PREX2: variants seen among roughly 807,000 people sequenced by gnomAD.
PREX2 encodes phosphatidylinositol 3,4,5-trisphosphate-dependent Rac exchanger 2 protein.
A neutral mutation model predicts 203.2 loss-of-function variants in PREX2; 107 were observed. The observed-to-expected ratio is 0.53, with a 90% CI of 0.45 to 0.62. The LOEUF (loss-of-function observed/expected upper bound fraction) is 0.62, where lower values mean the gene tolerates loss of function less well. Ranked by LOEUF, PREX2 falls within the 20% of genes least tolerant of loss-of-function variation. The pLI, the probability that PREX2 is intolerant of heterozygous loss-of-function variation, is 0.00. For synonymous variants in PREX2, 672 were observed against 663.6 expected (o/e 1.01, Z -0.19); for missense variants, 1,777 against 1,955.9 (o/e 0.91, Z 1.72).
chr8:68,159,270 C>A (rs1811607080), intron 35 of PREX2, among the ~76,000 whole-genome samples: 1 of 152,136 alleles, frequency 6.6e-6, no homozygotes, highest in Non-Finnish European at 1.5e-5. Context: ...TTTTCTTTAT[C>A]CAGTTCTCCA....
At chr8:68,216,525 CA>C (rs141292512) in intron 37 of PREX2, among the ~76,000 whole-genome samples, 8,935 of 152,084 alleles carry the variant, frequency 0.059, 644 homozygotes, top group African/African-American at 0.17. Flanking sequence ...TGCAAAAGAA[CA>C]TTTTTTTAAT....
rs764621950 is a variant in PREX2, at chr8:68,022,116, A to G, written c.417A>G (p.Ile139Met). 1.1e-5 allele frequency: 17 copies of G among 1,545,162 alleles called. No individual in the cohort carries two copies. Among genetic ancestry groups the G allele is most frequent in the Admixed American group, 1.7e-5 (1 of 59,912 alleles). ...AQKLLLELNK[I>M]RTIRTFLLNC... Reference sequence around the variant, plus strand: ...AATTACTTCTTGAACTCAACAAAATAAGAACAATCCGGACATTTCTTTTGG... The same window carrying G: ...AATTACTTCTTGAACTCAACAAAATGAGAACAATCCGGACATTTCTTTTGG... Residue 139 changes from isoleucine to methionine, a missense_variant, in exon 4 of 40, where the codon ATA becomes ATG. By Grantham distance (10) the Ile-to-Met change is conservative. Transcript: ENST00000288368.
chr8:68,111,527 C>CT (rs1312368172), intron 25 of PREX2, among the ~76,000 whole-genome samples: 5 of 152,000 alleles, frequency 3.3e-5, no homozygotes, highest in African/African-American at 1.2e-4. Flanking sequence ...TTTTTATTAA[C>CT]TAAAACTACT....
At chr8:68,110,396 G>A (rs928479983) in intron 25 of PREX2, among the ~76,000 whole-genome samples, 1 of 152,150 alleles carries the variant, frequency 6.6e-6, no homozygotes, top group Non-Finnish European at 1.5e-5. Context: ...TGAATTACAA[G>A]TTTGTGGTCA....
At chr8:68,123,930 C>T (rs1480239760) in intron 30 of PREX2, among the ~76,000 whole-genome samples, 1 of 152,064 alleles carries the variant, frequency 6.6e-6, no homozygotes, top group Non-Finnish European at 1.5e-5. Flanking sequence ...CCAGCACTAT[C>T]CTGATACCAA....
chr8:67,984,681 C>A (rs186189988), intron 1 of PREX2, among the ~76,000 whole-genome samples: 2 of 152,278 alleles, frequency 1.3e-5, no homozygotes, highest in East Asian at 3.9e-4. Context: ...GCAGGTCTGC[C>A]GGTTCCAGCT....
chr8:68,052,056 T>A (rs577159760), intron 8 of PREX2, among the ~76,000 whole-genome samples: 2 of 152,270 alleles, frequency 1.3e-5, no homozygotes, highest in African/African-American at 4.8e-5. Flanking sequence ...CACATCTGTT[T>A]CTACTCAAAA....
intron 10 of PREX2, among the ~76,000 whole-genome samples, chr8:68,056,586 A>G (rs1326420031): frequency 7.0e-6 from 1 of 142,456 alleles, no homozygotes; most frequent in Non-Finnish European, 1.5e-5. Context: ...GCAGGGCCAG[A>G]AGGAAGGTTA....
chr8:68,160,061 G>T (rs1811625593), intron 35 of PREX2, among the ~76,000 whole-genome samples: 1 of 152,156 alleles, frequency 6.6e-6, no homozygotes, highest in African/African-American at 2.4e-5. Context: ...TCCTCTATTA[G>T]TTTAGTCTCA....
chr8:68,233,931 A>G lies in PREX2; in HGVS notation c.*2553A>G, dbSNP rs926911766. 2.8e-4 allele frequency: 42 copies of G among 152,302 alleles called. No individual in the cohort carries two copies. The highest frequency in any genetic ancestry group is 9.6e-4 in the African/African-American group (40 of 41,580). 9.4% of individuals were successfully genotyped at this position (152,302 alleles called of 1,614,324 possible). On this transcript the variant is annotated 3_prime_UTR_variant, in exon 40 of 40. Coordinates refer to ENST00000288368, the MANE Select transcript of PREX2 (RefSeq NM_024870.4). ...GCGGCATGTGTTGTCATTAAATTAT[A>G]CATCTTGTATTAAAAAACGGTGAAT...
chr8:67,971,788 C>T (rs141294901), intron 1 of PREX2, among the ~76,000 whole-genome samples: 320 of 152,202 alleles, frequency 2.1e-3, no homozygotes, highest in African/African-American at 7.6e-3. Context: ...AGAAAGCAGT[C>T]AACAAATCAT....
At chr8:68,045,578 G>A (rs907954092) in intron 8 of PREX2, among the ~76,000 whole-genome samples, 1 of 152,090 alleles carries the variant, frequency 6.6e-6, no homozygotes, top group African/African-American at 2.4e-5. Flanking sequence ...AATGAACTGT[G>A]ATTGCTGTAG....
At chr8:68,190,648 A>G (rs1812273387) in intron 35 of PREX2, among the ~76,000 whole-genome samples, 1 of 152,094 alleles carries the variant, frequency 6.6e-6, no homozygotes, top group African/African-American at 2.4e-5. Flanking sequence ...ATTGGGTACA[A>G]TGGTCACTAT....
In PREX2 at chr8:68,217,604, C is replaced by T. The variant is rs906941516; in HGVS notation, c.4605-12C>T. ...ACCATGGGGTCTGACTTGCCCTTGC[C>T]TTGGCCCACAGGTGCACCCTGAGCG... On this transcript the variant is annotated splice_polypyrimidine_tract_variant and intron_variant, in intron 37 of 39. Coordinates refer to ENST00000288368, the MANE Select transcript of PREX2 (RefSeq NM_024870.4). The T allele has an allele frequency of 6.2e-7, 1 of 1,612,208 alleles. No homozygotes were observed. Among genetic ancestry groups the T allele is most frequent in the African/African-American group, 1.3e-5 (1 of 74,920 alleles).
At chr8:68,047,819 T>A (rs145007895) in intron 8 of PREX2, among the ~76,000 whole-genome samples, 1,545 of 152,052 alleles carry the variant, frequency 0.01, 31 homozygotes, top group African/African-American at 0.034. Context: ...AGATGACTAA[T>A]TTCATTGATA....
At chr8:68,029,461 A>G (rs1400843170) in intron 5 of PREX2, among the ~76,000 whole-genome samples, 3 of 152,164 alleles carry the variant, frequency 2.0e-5, no homozygotes, top group Admixed American at 1.3e-4. Flanking sequence ...GTGATATAAT[A>G]TGTATTCCTC....
chr8:68,042,833 T>G (rs1370065259), intron 7 of PREX2, among the ~76,000 whole-genome samples: 1 of 152,090 alleles, frequency 6.6e-6, no homozygotes, highest in Non-Finnish European at 1.5e-5. Context: ...GTGTTGAATA[T>G]TAATATCTGC....
At chr8:68,008,201 G>A (rs186327863) in intron 1 of PREX2, among the ~76,000 whole-genome samples, 1 of 152,252 alleles carries the variant, frequency 6.6e-6, no homozygotes, top group Admixed American at 6.5e-5. Flanking sequence ...GATTTGAAGT[G>A]CCACCTGTTT....
At chr8:68,039,318 T>C (rs1408114400) in intron 7 of PREX2, among the ~76,000 whole-genome samples, 1 of 152,154 alleles carries the variant, frequency 6.6e-6, no homozygotes, top group Non-Finnish European at 1.5e-5. Flanking sequence ...TTCTGCTCTT[T>C]AAGGTTTTGT....
Sources: allele counts gnomAD v4.1 joint callset (sites outside exome capture counted in the v4.1 genomes callset), GRCh38; gene constraint gnomAD v4.1.1; transcripts MANE v1.5; gene names NCBI Gene and HGNC (gene_info 2026-07-23, HGNC 2026-07-21).